ULBP2: variants seen among roughly 807,000 people sequenced by gnomAD.
ULBP2 encodes the protein UL16-binding protein 2.
In ULBP2, 21 loss-of-function variants were observed where a neutral mutation model predicts 23.6. That is an observed-to-expected ratio of 0.89 (90% CI 0.63 to 1.28). The LOEUF (loss-of-function observed/expected upper bound fraction) is 1.28, where lower values mean the gene tolerates loss of function less well. Ranked by LOEUF, ULBP2 falls within the 50% of genes most tolerant of loss-of-function variation. ULBP2 has a pLI of 0.00. For synonymous variants in ULBP2, 82 were observed against 112.8 expected (o/e 0.73, Z 1.73); for missense variants, 251 against 306.0 (o/e 0.82, Z 1.34).
At position 149,942,163 on chromosome 6, in the gene ULBP2, T is replaced by C. The variant is rs370553356; in HGVS notation, c.85+6T>C. On this transcript the variant is annotated splice_donor_region_variant and intron_variant, in intron 1 of 4. Coordinates refer to ENST00000367351, the MANE Select transcript of ULBP2 (RefSeq NM_025217.4). ...GTCCCGGGCTGGGCGAGCCGGTGAG[T>C]TCGTGGATGGAGCCTAAGCCGGGCG... 3.3e-5 allele frequency: 54 copies of C among 1,612,778 alleles called. No individual in the cohort carries two copies. In the African/African-American group the frequency reaches 5.5e-4, roughly 16 times the overall value.
chr6:149,948,182 A>G (rs1466195739), intron 4 of ULBP2, among the ~76,000 whole-genome samples: 2 of 152,162 alleles, frequency 1.3e-5, no homozygotes, highest in African/African-American at 4.8e-5. Flanking sequence ...GTGGACTCAG[A>G]GGAAGGGGGG....
At chr6:149,943,655 C>A (rs897383797) in intron 1 of ULBP2, among the ~76,000 whole-genome samples, 2 of 152,198 alleles carry the variant, frequency 1.3e-5, no homozygotes, top group African/African-American at 4.8e-5. Flanking sequence ...CAATAGGCAT[C>A]CCTAAGCTTC....
At chr6:149,943,129 C>T (rs1187605003) in intron 1 of ULBP2, among the ~76,000 whole-genome samples, 4 of 152,132 alleles carry the variant, frequency 2.6e-5, no homozygotes, top group African/African-American at 9.7e-5. Context: ...CAGTCCTGTC[C>T]CTTTGTAGAG....
intron 2 of ULBP2, 142 bp from the exon 3 acceptor site, chr6:149,946,230 G>C (rs1778938357): frequency 9.7e-7 from 1 of 1,032,836 alleles, no homozygotes; most frequent in Non-Finnish European, 1.4e-6. Context: ...AAATACAAAT[G>C]GGAAGGTCAT....
chr6:149,943,508 C>T (rs1006257781), intron 1 of ULBP2, among the ~76,000 whole-genome samples: 2 of 152,104 alleles, frequency 1.3e-5, no homozygotes, highest in Admixed American at 6.5e-5. Context: ...ACTGCTTGTG[C>T]AGCTTCTTGG....
In ULBP2 at chr6:149,948,737, CA is replaced by C. The variant is rs756318209; in HGVS notation, c.*41del. On this transcript the variant is annotated 3_prime_UTR_variant, in exon 5 of 5. Transcript: ENST00000367351. Reference sequence around the variant, plus strand: ...CCTTTCTGAAGGTTAAAGCTGATACCAAAAGGCTCCTGTGAGCACGGTCTTG... The same window carrying C: ...CCTTTCTGAAGGTTAAAGCTGATACCAAAGGCTCCTGTGAGCACGGTCTTG... The C allele has an allele frequency of 2.2e-6, 1 of 456,580 alleles. No individual in the cohort carries two copies. The highest frequency in any genetic ancestry group is 6.9e-5 in the East Asian group (1 of 14,414). 28.3% of individuals were successfully genotyped at this position (456,580 alleles called of 1,614,324 possible).
At chr6:149,943,491 G>A (rs1415743160) in intron 1 of ULBP2, among the ~76,000 whole-genome samples, 10 of 152,134 alleles carry the variant, frequency 6.6e-5, no homozygotes, top group East Asian at 1.9e-4. Context: ...CCTGGGGATC[G>A]GGTCCAACTG....
Position 149,946,420 on chromosome 6 carries a change from G to A in ULBP2, c.398G>A (p.Gly133Glu), listed in dbSNP as rs754106710. Residue 133 changes from glycine to glutamate, a missense_variant, in exon 3 of 5, where the codon GGA becomes GAA. Physicochemically the swap from Gly to Glu is moderately conservative, Grantham distance 98. Around this residue, in one of 2 missense-constraint regions of ULBP2, gnomAD observed 248 missense variants for 258.9 expected, o/e 0.96. Transcript: ENST00000367351. Reference protein sequence around the residue: ...ARMSCEQKAEGHSSGSWQFSF... With the variant: ...ARMSCEQKAEEHSSGSWQFSF... The stretch of plus-strand genomic sequence containing the variant: ...ATGTCTTGTGAGCAGAAAGCTGAAG[G>A]ACACAGCAGTGGATCTTGGCAGTTC... 6.8e-6 allele frequency: 11 copies of A among 1,614,140 alleles called. 1 individual carries two copies. In the South Asian group the frequency reaches 1.2e-4, roughly 18 times the overall value.
rs552033861 is a variant in ULBP2 at position 149,943,813 on chromosome 6, C to T, written c.86-1496C>T. On this transcript the variant is annotated intron_variant, in intron 1 of 4. Transcript: ENST00000367351. ...GCATTGCCTTGTCTCTGAATATTCA[C>T]ATGGAATCTCTGTTGTGATTCTCCA... Among the ~76,000 whole-genome samples, 6 of 152,122 alleles carry T rather than the reference C, an allele frequency of 3.9e-5. No individual in the cohort carries two copies. In the East Asian group the frequency reaches 9.7e-4, roughly 24 times the overall value.
At chr6:149,942,749 G>C (rs1013396946) in intron 1 of ULBP2, among the ~76,000 whole-genome samples, 2 of 151,990 alleles carry the variant, frequency 1.3e-5, no homozygotes, top group East Asian at 1.9e-4. Context: ...TCCTCTTACT[G>C]CCCACCTCAG....
rs1296731672 is a variant in ULBP2 at position 149,948,882 on chromosome 6, T to C, written c.*182T>C. ...AGCTCATTCACTGCCTTGATTCCTT[T>C]TGCCAACAATTTTACCAGCAGTTAT... On this transcript the variant is annotated 3_prime_UTR_variant, in exon 5 of 5. Coordinates refer to ENST00000367351, the MANE Select transcript of ULBP2 (RefSeq NM_025217.4). 5.1e-6 allele frequency: 2 copies of C among 391,456 alleles called. No individual in the cohort carries two copies. The highest frequency in any genetic ancestry group is 1.5e-4 in the East Asian group (2 of 12,950). The allele number at this position is 391,456 out of a possible 1,614,324, so 24.2% of individuals were successfully genotyped here.
At position 149,949,138 on chromosome 6, in the gene ULBP2, A is replaced by G. The variant is rs1778985996; in HGVS notation, c.*438A>G. 1 of 155,654 alleles carries G rather than the reference A, an allele frequency of 6.4e-6. No homozygotes were observed. The highest frequency in any genetic ancestry group is 1.9e-4 in the South Asian group (1 of 5,140). 9.6% of individuals were successfully genotyped at this position (155,654 alleles called of 1,614,324 possible). ...TCCGTGTCCTGAAAGAGAATTTTTAAATTATTTAATAAGAAAAAATTTATA... is the reference window on the plus strand; with the variant it reads ...TCCGTGTCCTGAAAGAGAATTTTTAGATTATTTAATAAGAAAAAATTTATA... On this transcript the variant is annotated 3_prime_UTR_variant, in exon 5 of 5. Transcript: ENST00000367351.
At chr6:149,946,731 C>A in intron 3 of ULBP2, 78 bp downstream of exon 3, 1 of 1,588,534 alleles carries the variant, frequency 6.3e-7, no homozygotes, top group Non-Finnish European at 8.6e-7. Context: ...TTGAGTTCAG[C>A]TTCAATCATC....
rs572859407 is a variant in ULBP2, at chr6:149,942,205, G to A, written c.85+48G>A. On this transcript the variant is annotated intron_variant, in intron 1 of 4. Coordinates refer to ENST00000367351, the MANE Select transcript of ULBP2 (RefSeq NM_025217.4). ...AGCCGGGCGGGGACCAAGCCTGGAGGGCTGTGAACTGCCGCGGGTTTCAGA... is the reference window on the plus strand; with the variant it reads ...AGCCGGGCGGGGACCAAGCCTGGAGAGCTGTGAACTGCCGCGGGTTTCAGA... 3.8e-6 allele frequency: 6 copies of A among 1,581,180 alleles called. No homozygotes were observed. In the African/African-American group the frequency reaches 6.7e-5, roughly 18 times the overall value.
chr6:149,947,995 G>C (rs62441821), intron 4 of ULBP2, among the ~76,000 whole-genome samples: 1 of 151,110 alleles, frequency 6.6e-6, no homozygotes, highest in African/African-American at 2.4e-5. Context: ...AAAGTGGCTT[G>C]GGTTCCAGGA....
At chr6:149,947,285 G>C in intron 3 of ULBP2, 35 bp from the exon 4 acceptor site, 2 of 1,264,120 alleles carry the variant, frequency 1.6e-6, no homozygotes, top group Non-Finnish European at 2.2e-6. Context: ...TTTGGGGCCT[G>C]GACAAGGGTT....
chr6:149,942,702 C>T (rs1462957428), intron 1 of ULBP2, among the ~76,000 whole-genome samples: 2 of 152,130 alleles, frequency 1.3e-5, no homozygotes, highest in African/African-American at 2.4e-5. Context: ...AACCGCCACC[C>T]CTCCCCTCAC....
Position 149,946,518 on chromosome 6 carries a change from A to G in ULBP2, c.496A>G (p.Arg166Gly). 1 of 1,614,200 alleles carries G rather than the reference A, an allele frequency of 6.2e-7. No individual in the cohort carries two copies. Among genetic ancestry groups the G allele is most frequent in the Non-Finnish European group, 8.5e-7 (1 of 1,180,048 alleles). Residue 166 changes from arginine to glycine, a missense_variant, in exon 3 of 5, where the codon AGA becomes GGA. Coordinates refer to ENST00000367351, the MANE Select transcript of ULBP2 (RefSeq NM_025217.4). ...GTGGACAACGGTTCATCCTGGAGCC[A>G]GAAAGATGAAAGAAAAGTGGGAGAA... Reference protein sequence around the residue: ...RMWTTVHPGARKMKEKWENDK... With the variant: ...RMWTTVHPGAGKMKEKWENDK...
intron 3 of ULBP2, 112 bp downstream of exon 3, chr6:149,946,765 A>G: frequency 1.3e-6 from 2 of 1,541,910 alleles, no homozygotes; most frequent in Non-Finnish European, 1.8e-6. Context: ...TCACGTTAAA[A>G]TGACCTCCTC....
Sources: allele counts gnomAD v4.1 joint callset (sites outside exome capture counted in the v4.1 genomes callset), GRCh38; gene constraint gnomAD v4.1.1; regional missense constraint gnomAD v4.1.1; transcripts MANE v1.5; gene names NCBI Gene and HGNC (gene_info 2026-07-23, HGNC 2026-07-21).